The following ZNF568 variants were observed in gnomAD, a reference collection of about 807,000 sequenced individuals.
ZNF568 encodes p53 inhibitor of SCO2 activation.
In ZNF568, 11 loss-of-function variants were observed where a neutral mutation model predicts 18.1. The ratio of observed to expected loss-of-function variants is 0.61; its 90% CI spans 0.38 to 1.00. The LOEUF (loss-of-function observed/expected upper bound fraction) is 1.00, where lower values mean the gene tolerates loss of function less well. ZNF568 is among the 50% of genes least tolerant of loss of function. The pLI is 0.01. For synonymous variants in ZNF568, 213 were observed against 246.6 expected, an observed-to-expected ratio of 0.86 and a Z score of 1.28; for missense variants, 639 against 768.2, an observed-to-expected ratio of 0.83 and a Z score of 1.99.
intron 6 of ZNF568, among the ~76,000 whole-genome samples, chr19:36,973,019 G>C (rs1324510497): frequency 6.6e-6 from 1 of 152,234 alleles, no homozygotes; most frequent in South Asian, 2.1e-4. Flanking sequence ...GTTCCTGGGA[G>C]GGTGCTCGGG....
Position 36,997,009 on chromosome 19 carries a change from C to T in ZNF568, c.922C>T (p.Arg308Ter), listed in dbSNP as rs770596753. The T allele has an allele frequency of 6.3e-5, 98 of 1,553,300 alleles. No homozygotes were observed. The highest frequency in any genetic ancestry group is 1.7e-4 in the Middle Eastern group (1 of 6,026). ...CTTTACCCGTCCCTCACACCTTTTT[C>T]GACATCAAAGAATCCATACGGGTGA... Residue 308 changes from arginine to a stop codon, truncating the protein, a stop_gained, in exon 5 of 5, where the codon CGA becomes TGA. Transcript: ENST00000433993. LOFTEE classifies it low-confidence loss of function (END_TRUNC).
chr19:36,990,459 A>G (rs2074413699), intron 2 of ZNF568, among the ~76,000 whole-genome samples: 1 of 152,152 alleles, frequency 6.6e-6, no homozygotes, highest in South Asian at 2.1e-4. Context: ...TACTAAAAAT[A>G]CAAAAATTAG....
chr19:36,925,331 A>G, intron 4 of ZNF568, 73 bp downstream of exon 4: 1 of 1,253,784 alleles, frequency 8.0e-7, no homozygotes, highest in Non-Finnish European at 1.1e-6. Context: ...GTAACCTACC[A>G]ATGTGTTGGA....
At position 36,975,681 on chromosome 19, in the gene ZNF568, C is replaced by CTTTTTTTTTTTTTT. The variant is rs1193440344; in HGVS notation, c.405+1223_405+1236dup. Among the ~76,000 whole-genome samples the CTTTTTTTTTTTTTT allele has an allele frequency of 7.5e-4, 57 of 75,770 alleles. 9 individuals are homozygous for CTTTTTTTTTTTTTT. In the East Asian group the frequency reaches 8.1e-3, roughly 11 times the overall value. The allele number at this position is 75,770 out of a possible 152,430, so 49.7% of individuals were successfully genotyped here. A position where few individuals can be genotyped will look rare whatever the true frequency, so the allele number is the denominator to read the frequency against. The stretch of plus-strand genomic sequence containing the variant: ...GCAGGCGTGAGCCACCGCGCCAAGA[C>CTTTTTTTTTTTTTT]TTTTTTTTTTTTTTTTTTTTTGAGA... On this transcript the variant is annotated intron_variant, in intron 7 of 7. Transcript: ENST00000427117.
intron 6 of ZNF568, among the ~76,000 whole-genome samples, chr19:36,944,759 T>C (rs2073935376): frequency 6.6e-6 from 1 of 152,200 alleles, no homozygotes; most frequent in Non-Finnish European, 1.5e-5. Context: ...GGAGTAACAC[T>C]GATTAATCTA....
At position 36,947,959 on chromosome 19, in the gene ZNF568, G is replaced by T. The variant is rs77563186; in HGVS notation, c.359-1553G>T. Among the ~76,000 whole-genome samples, 42 of 152,262 alleles carry T rather than the reference G, an allele frequency of 2.8e-4. 1 individual carries two copies. The East Asian group carries it at 7.9e-3, about 29-fold the overall frequency. On this transcript the variant is annotated intron_variant, in intron 6 of 6. Transcript: ENST00000333987. ...CAGTGGTATATTTGTTACCATCAATGAACCTTCATTACTGTTATTATTATA... is the reference window on the plus strand; with the variant it reads ...CAGTGGTATATTTGTTACCATCAATTAACCTTCATTACTGTTATTATTATA...
intron 6 of ZNF568, among the ~76,000 whole-genome samples, chr19:36,939,645 T>C (rs1348443914): frequency 1.3e-5 from 2 of 148,388 alleles, no homozygotes; most frequent in African/African-American, 2.5e-5. Flanking sequence ...GTTTAAGCGA[T>C]TCTTCTGCCT....
chr19:36,987,099 G>T (rs911705089), intron 2 of ZNF568, among the ~76,000 whole-genome samples: 1 of 152,242 alleles, frequency 6.6e-6, no homozygotes, highest in East Asian at 1.9e-4. Context: ...TATATGTAAG[G>T]CACCAGGAAC....
At chr19:36,972,680 T>C (rs1236008323) in intron 6 of ZNF568, among the ~76,000 whole-genome samples, 1 of 152,224 alleles carries the variant, frequency 6.6e-6, no homozygotes, top group East Asian at 1.9e-4. Context: ...CGACTCCTAA[T>C]TCGTGGCGTG....
chr19:36,953,593 A>C (rs755275967), downstream of ZNF568, among the ~76,000 whole-genome samples: 3 of 152,142 alleles, frequency 2.0e-5, no homozygotes, highest in Non-Finnish European at 2.9e-5. Context: ...GATATACATT[A>C]CAGAAAGCTG....
At chr19:36,996,772 A>G (rs960768803) in exon 5 of ZNF568, 4 of 1,548,892 alleles carry the variant, frequency 2.6e-6, no homozygotes, top group Non-Finnish European at 3.5e-6. Flanking sequence ...TCAGAGCATT[A>G]ATACTGGAGA....
intron 4 of ZNF568, among the ~76,000 whole-genome samples, chr19:36,927,903 A>ATCTATTTTTT (rs1568381621): frequency 3.8e-5 from 1 of 26,604 alleles, no homozygotes; most frequent in Non-Finnish European, 5.6e-5. Flanking sequence ...ATATATATAT[A>ATCTATTTTTT]TTTTTTTTTT....
chr19:36,960,659 C>T (rs2074141779), intron 6 of ZNF568, among the ~76,000 whole-genome samples: 1 of 150,702 alleles, frequency 6.6e-6, no homozygotes, highest in South Asian at 2.1e-4. Context: ...ATCTGGGAGG[C>T]AGAGGTTGCA....
chr19:36,992,836 C>G (rs777756552), intron 4 of ZNF568, among the ~76,000 whole-genome samples: 13 of 152,216 alleles, frequency 8.5e-5, no homozygotes, highest in Non-Finnish European at 1.8e-4. Flanking sequence ...CTACTGATCA[C>G]TTTCTGTCTA....
chr19:36,976,943 C>A (rs1359151469), intron 7 of ZNF568, among the ~76,000 whole-genome samples: 1 of 152,106 alleles, frequency 6.6e-6, no homozygotes, highest in Non-Finnish European at 1.5e-5. Context: ...GCTGGGGTTT[C>A]TACATCACCT....
At chr19:36,971,873 C>T (rs1310873991) in intron 6 of ZNF568, among the ~76,000 whole-genome samples, 6 of 144,956 alleles carry the variant, frequency 4.1e-5, no homozygotes, top group Non-Finnish European at 9.0e-5. Flanking sequence ...GATGAAGTCT[C>T]ACTGTCACCA....
chr19:36,937,482 A>G (rs1266046737), intron 6 of ZNF568, among the ~76,000 whole-genome samples: 3 of 152,202 alleles, frequency 2.0e-5, no homozygotes, highest in Non-Finnish European at 4.4e-5. Flanking sequence ...CATAATACCA[A>G]CCTTCCCTAA....
chr19:36,956,329 G>A (rs1281457303), downstream of ZNF568, among the ~76,000 whole-genome samples: 1 of 152,198 alleles, frequency 6.6e-6, no homozygotes, highest in African/African-American at 2.4e-5. Context: ...TCTCCCTTCA[G>A]GCAGCTTGGC....
chr19:36,997,479 T>C, downstream of ZNF568: 1 of 1,588,168 alleles, frequency 6.3e-7, no homozygotes, highest in Non-Finnish European at 8.5e-7. Context: ...GTAAGGAATG[T>C]GGGAAGGCTT....
Sources: gnomAD v4.1 joint callset for allele counts (sites outside exome capture counted in the v4.1 genomes callset) on GRCh38, gnomAD v4.1.1 for gene constraint, MANE v1.5 for transcripts, NCBI Gene and HGNC (gene_info 2026-07-23, HGNC 2026-07-21) for gene names.